Variants in KCNT2 observed in about 807,000 individuals in gnomAD.
KCNT2 encodes the protein potassium channel subfamily T member 2.
KCNT2 carries 67 observed loss-of-function variants against 153.8 expected under a neutral mutation model. The ratio of observed to expected loss-of-function variants is 0.44; its 90% CI spans 0.36 to 0.53. KCNT2 has a LOEUF of 0.53. Among genes scored for constraint, KCNT2 ranks in the 20% least tolerant of loss-of-function variants. The probability of loss-of-function intolerance (pLI) is 0.00; values close to 1 mark genes in which losing one functional copy is unlikely to be tolerated. For missense variants in KCNT2, 975 were observed against 1,354.8 expected (o/e 0.72, Z 4.40); for synonymous variants, 500 against 458.8 (o/e 1.09, Z -1.15).
At chr1:196,498,137 C>T (rs997470519) in intron 1 of KCNT2, among the ~76,000 whole-genome samples, 8 of 151,706 alleles carry the variant, frequency 5.3e-5, no homozygotes, top group South Asian at 2.1e-4. Context: ...AAAATTTACC[C>T]GGAATCTTGT....
chr1:196,387,147 AATC>A lies in KCNT2; in HGVS notation c.1294+11413_1294+11415del, dbSNP rs541499635. On this transcript the variant is annotated intron_variant, in intron 13 of 27. Coordinates refer to ENST00000294725, the MANE Select transcript of KCNT2 (RefSeq NM_198503.5). ...AATCTATAAGTAAATTAAAAATAAT[AATC>A]ATCCACAAACCCATCTTCTACCTAC... Among the ~76,000 whole-genome samples the A allele has an allele frequency of 1.6e-4, 24 of 152,138 alleles. No homozygotes were observed. In the East Asian group the frequency reaches 4.5e-3, roughly 28 times the overall value.
chr1:196,598,569 A>G (rs1401002119), intron 1 of KCNT2, among the ~76,000 whole-genome samples: 1 of 152,198 alleles, frequency 6.6e-6, no homozygotes, highest in Non-Finnish European at 1.5e-5. Context: ...CAAGAGCTGT[A>G]TGACTTTTCT....
intron 1 of KCNT2, among the ~76,000 whole-genome samples, chr1:196,604,675 G>A (rs569091678): frequency 3.1e-4 from 47 of 151,548 alleles, no homozygotes; most frequent in South Asian, 6.2e-4. Context: ...TAAGGATGGC[G>A]TAAAGATAAT....
chr1:196,264,049 C>T lies in KCNT2; in HGVS notation c.2911-5555G>A, dbSNP rs182290468. ...TTATTATCTTGGCATTCTTTCTCAT[C>T]CTGCTGGTGATTTTTTTTTCTTGAT... On this transcript the variant is annotated intron_variant, in intron 25 of 27. Transcript: ENST00000294725. Among the ~76,000 whole-genome samples, 25 of 152,022 alleles carry T rather than the reference C, an allele frequency of 1.6e-4. No homozygotes were observed. In the East Asian group the frequency reaches 4.8e-3, roughly 29 times the overall value.
At chr1:196,418,301 C>T (rs1672913781) in intron 12 of KCNT2, among the ~76,000 whole-genome samples, 1 of 151,994 alleles carries the variant, frequency 6.6e-6, no homozygotes, top group South Asian at 2.1e-4. Context: ...CATGGAGAAA[C>T]TCCATCTCTA....
At chr1:196,523,797 C>A (rs1293399656) in intron 1 of KCNT2, among the ~76,000 whole-genome samples, 1 of 152,166 alleles carries the variant, frequency 6.6e-6, no homozygotes, top group Non-Finnish European at 1.5e-5. Flanking sequence ...GCTGTTGGAA[C>A]TTTCAATTAT....
chr1:196,332,789 T>TTC (rs1004398959), intron 17 of KCNT2, among the ~76,000 whole-genome samples: 1 of 151,476 alleles, frequency 6.6e-6, no homozygotes, highest in Non-Finnish European at 1.5e-5. Flanking sequence ...TGGCTAGTTT[T>TTC]TTTTTTTTTT....
chr1:196,345,428 G>A (rs1201340574), intron 14 of KCNT2, among the ~76,000 whole-genome samples: 1 of 152,136 alleles, frequency 6.6e-6, no homozygotes, highest in Non-Finnish European at 1.5e-5. Context: ...AGGAAGAGCA[G>A]GGAAGCCAGT....
chr1:196,280,084 A>G (rs983119016), intron 25 of KCNT2, among the ~76,000 whole-genome samples: 23 of 152,332 alleles, frequency 1.5e-4, no homozygotes, highest in African/African-American at 5.0e-4. Flanking sequence ...ATTCAAGAAT[A>G]CAAACCATAA....
chr1:196,281,068 C>T (rs1659046778), intron 24 of KCNT2, 80 bp from the exon 25 acceptor site: 3 of 1,156,884 alleles, frequency 2.6e-6, no homozygotes, highest in South Asian at 1.4e-5. Flanking sequence ...TCTTTATTTG[C>T]TTATTTTTGT....
intron 1 of KCNT2, among the ~76,000 whole-genome samples, chr1:196,576,327 A>T (rs1056533197): frequency 4.6e-5 from 7 of 152,072 alleles, no homozygotes; most frequent in Non-Finnish European, 7.4e-5. Context: ...GAGAAATTAA[A>T]CTAATTATCC....
chr1:196,463,730 C>A (rs1367019388), intron 8 of KCNT2, among the ~76,000 whole-genome samples: 1 of 151,720 alleles, frequency 6.6e-6, no homozygotes, highest in African/African-American at 2.4e-5. Flanking sequence ...ATAACCCTTT[C>A]TCTAGCAATG....
At chr1:196,599,024 C>A (rs781538019) in intron 1 of KCNT2, among the ~76,000 whole-genome samples, 2 of 152,224 alleles carry the variant, frequency 1.3e-5, no homozygotes, top group Non-Finnish European at 2.9e-5. Context: ...ATACTGACAG[C>A]TTCCATCTAT....
rs1216199328 is a variant in KCNT2 at position 196,235,978 on chromosome 1, C to T, written c.3296+8G>A. 3.9e-6 allele frequency: 6 copies of T among 1,535,180 alleles called. No homozygotes were observed. The East Asian group carries it at 1.4e-4, about 35-fold the overall frequency. On this transcript the variant is annotated splice_region_variant and intron_variant, in intron 27 of 27. Transcript: ENST00000294725. ...ATCTGTCTTATATGAGATATGAGAT[C>T]AACTTACACAACATCATTCAGCTCT...
rs1319795107 is a variant in KCNT2, at chr1:196,518,553, A to T, written c.96-26212T>A. ...ACCCATCTCATATGCAATGACACTG[A>T]TAGGATCAAAATACAGGGATGGAGG... On this transcript the variant is annotated intron_variant, in intron 1 of 27. Coordinates refer to ENST00000294725, the MANE Select transcript of KCNT2 (RefSeq NM_198503.5). Among the ~76,000 whole-genome samples, 4 of 151,962 alleles carry T rather than the reference A, an allele frequency of 2.6e-5. No homozygotes were observed. The East Asian group carries it at 7.7e-4, about 29-fold the overall frequency.
At chr1:196,480,272 A>C (rs1016583622) in intron 4 of KCNT2, among the ~76,000 whole-genome samples, 1 of 152,212 alleles carries the variant, frequency 6.6e-6, no homozygotes, top group Admixed American at 6.5e-5. Flanking sequence ...TGAGAACGGC[A>C]GATACCCTGG....
At chr1:196,231,097 A>G (rs1336389278) in intron 27 of KCNT2, among the ~76,000 whole-genome samples, 1 of 151,900 alleles carries the variant, frequency 6.6e-6, no homozygotes, top group African/African-American at 2.4e-5. Context: ...GCAGCCATCA[A>G]CATTGAGGCA....
At chr1:196,343,680 T>G (rs1665879674) in intron 14 of KCNT2, among the ~76,000 whole-genome samples, 1 of 152,212 alleles carries the variant, frequency 6.6e-6, no homozygotes, top group Non-Finnish European at 1.5e-5. Flanking sequence ...TTCTTAAGTA[T>G]GCTTAAAGAG....
At chr1:196,592,482 A>G (rs541252174) in intron 1 of KCNT2, among the ~76,000 whole-genome samples, 1 of 147,822 alleles carries the variant, frequency 6.8e-6, no homozygotes, top group South Asian at 2.1e-4. Flanking sequence ...TAGCACATAT[A>G]TTAATATATA....
Sources: gnomAD v4.1 joint callset for allele counts (sites outside exome capture counted in the v4.1 genomes callset) on GRCh38, gnomAD v4.1.1 for gene constraint, MANE v1.5 for transcripts, NCBI Gene and HGNC (gene_info 2026-07-23, HGNC 2026-07-21) for gene names.